GNS: variants seen among roughly 807,000 people sequenced by gnomAD.
GNS encodes the protein glucosamine (N-acetyl)-6-sulfatase, also known as N-acetylglucosamine-6-sulfatase.
Under a neutral mutation model 69.7 loss-of-function variants are expected in GNS, and 40 were observed. The ratio of observed to expected loss-of-function variants is 0.57; its 90% CI spans 0.45 to 0.75. The LOEUF (loss-of-function observed/expected upper bound fraction) is 0.75. Ranked by LOEUF, GNS falls within the 30% of genes least tolerant of loss-of-function variation. The probability of loss-of-function intolerance (pLI) is 0.00; values close to 1 mark genes in which losing one functional copy is unlikely to be tolerated. For synonymous variants in GNS, 243 were observed against 251.6 expected, an observed-to-expected ratio of 0.97 and a Z score of 0.32; for missense variants, 565 against 685.5, an observed-to-expected ratio of 0.82 and a Z score of 1.96.
At chr12:64,723,827 C>A (rs370336006) in intron 10 of GNS, among the ~76,000 whole-genome samples, 1 of 152,172 alleles carries the variant, frequency 6.6e-6, no homozygotes, top group Non-Finnish European at 1.5e-5. Flanking sequence ...AAGCAGTGCA[C>A]AGTGAGGGTG....
At chr12:64,738,354 G>A (rs893811886) in intron 8 of GNS, among the ~76,000 whole-genome samples, 1 of 152,138 alleles carries the variant, frequency 6.6e-6, no homozygotes, top group Non-Finnish European at 1.5e-5. Flanking sequence ...TGCATAATCC[G>A]GTGTTGAATC....
rs994729754 is a variant in GNS, at chr12:64,715,662, G to A, written c.*1079C>T. 2 of 154,366 alleles carry A rather than the reference G, an allele frequency of 1.3e-5. No individual in the cohort carries two copies. The highest frequency in any genetic ancestry group is 4.8e-5 in the African/African-American group (2 of 41,514). The allele number at this position is 154,366 out of a possible 1,614,324, so 9.6% of individuals were successfully genotyped here. On this transcript the variant is annotated 3_prime_UTR_variant, in exon 14 of 14. Coordinates refer to ENST00000258145, the MANE Select transcript of GNS (RefSeq NM_002076.4). The stretch of plus-strand genomic sequence containing the variant: ...CTAAAAGGGGAGAAGGTAGGGTAAA[G>A]TAGTTGATACTTTGCATCAACTGTA...
intron 4 of GNS, 100 bp from the exon 5 acceptor site, chr12:64,745,007 C>T: frequency 1.4e-6 from 1 of 704,380 alleles, no homozygotes; most frequent in Non-Finnish European, 2.6e-6. Flanking sequence ...AGTGATAAGA[C>T]ATTAAAAAGA....
intron 1 of GNS, 56 bp from the exon 2 acceptor site, chr12:64,752,813 C>T (rs1160654928): frequency 1.1e-6 from 1 of 878,388 alleles, no homozygotes; most frequent in Middle Eastern, 2.1e-4. Flanking sequence ...TTGAGACACA[C>T]AGCCCAGAAT....
chr12:64,725,686 G>GT (rs1283841564), intron 10 of GNS, among the ~76,000 whole-genome samples: 3 of 151,774 alleles, frequency 2.0e-5, no homozygotes, highest in Non-Finnish European at 4.4e-5. Flanking sequence ...GAGTGAATCA[G>GT]TTTTTTTTCT....
chr12:64,725,995 C>CAAAAAAAAAAAAAAAAAA (rs34734900), intron 10 of GNS, among the ~76,000 whole-genome samples: 3 of 49,218 alleles, frequency 6.1e-5, no homozygotes, highest in East Asian at 5.7e-4. Flanking sequence ...GACTCTGTCT[C>CAAAAAAAAAAAAAAAAAA]AAAAAAAAAA....
chr12:64,723,516 A>G (rs1368769235), intron 10 of GNS, among the ~76,000 whole-genome samples: 2 of 152,230 alleles, frequency 1.3e-5, no homozygotes, highest in African/African-American at 4.8e-5. Flanking sequence ...AACCTAATAG[A>G]CACAAGGACA....
At chr12:64,734,081 C>G (rs916967796) in intron 9 of GNS, among the ~76,000 whole-genome samples, 5 of 152,200 alleles carry the variant, frequency 3.3e-5, no homozygotes, top group African/African-American at 1.2e-4. Context: ...ATGCTGCCAA[C>G]ACATGATGCA....
intron 2 of GNS, among the ~76,000 whole-genome samples, chr12:64,752,074 T>TA (rs1870097571): frequency 6.8e-6 from 1 of 147,570 alleles, no homozygotes; most frequent in Non-Finnish European, 1.5e-5. Context: ...CTCCCTTTTA[T>TA]AAATGGGGAG....
rs148551734 is a variant in GNS, at chr12:64,736,469, G to C, written c.1098+535C>G. Among the ~76,000 whole-genome samples, 631 of 152,322 alleles carry C rather than the reference G, an allele frequency of 4.1e-3. 4 individuals are homozygous for C. The highest frequency in any genetic ancestry group is 0.011 in the Admixed American group (167 of 15,296). On this transcript the variant is annotated intron_variant, in intron 9 of 13. Transcript: ENST00000258145. ...CCGGGAGCTGATCAGAAATGGAGAAGCAGAATCTGCATTTTAACCAGATCC... is the reference window on the plus strand; with the variant it reads ...CCGGGAGCTGATCAGAAATGGAGAACCAGAATCTGCATTTTAACCAGATCC...
chr12:64,751,982 AG>A, intron 2 of GNS, among the ~76,000 whole-genome samples: 1 of 151,880 alleles, frequency 6.6e-6, no homozygotes, highest in Admixed American at 6.6e-5. Flanking sequence ...AAGAAAGAAA[AG>A]AAAAAATAAG....
intron 5 of GNS, among the ~76,000 whole-genome samples, chr12:64,744,167 T>G (rs902316785): frequency 5.3e-5 from 8 of 152,220 alleles, no homozygotes; most frequent in African/African-American, 7.2e-5. Context: ...CCTAACTTAT[T>G]TCTCGAACTG....
rs569391993 is a variant in GNS at position 64,742,261 on chromosome 12, T to C, written c.792+880A>G. 3.4e-3 allele frequency among the ~76,000 whole-genome samples: 510 copies of C among 152,186 alleles called. 1 individual carries two copies. The highest frequency in any genetic ancestry group is 0.01 in the Middle Eastern group (3 of 294). On this transcript the variant is annotated intron_variant, in intron 6 of 13. Coordinates refer to ENST00000258145, the MANE Select transcript of GNS (RefSeq NM_002076.4). The stretch of plus-strand genomic sequence containing the variant: ...GGTCTCAATCTCCTGACCTCGTGAT[T>C]CGCCCGCCTTGGCCTCCCAAAGTGC...
At position 64,716,795 on chromosome 12, in the gene GNS, C is replaced by T. The variant is rs527899417; in HGVS notation, c.1605G>A (p.Met535Ile). 1 of 1,613,140 alleles carries T rather than the reference C, an allele frequency of 6.2e-7. No homozygotes were observed. Among genetic ancestry groups the T allele is most frequent in the Non-Finnish European group, 8.5e-7 (1 of 1,179,096 alleles). ...DPGYRFDPRL[M>I]FSNRGSVRTR... ...TCCTGACACTGCCGCGATTGCTGAA[C>T]ATGAGACGGGGGTCAAACCTGTATC... The change falls in exon 14 of 14, where the codon ATG becomes ATA. Residue 535 changes from methionine to isoleucine, a missense_variant. Coordinates refer to ENST00000258145, the MANE Select transcript of GNS (RefSeq NM_002076.4).
Position 64,759,352 on chromosome 12 carries a change from G to A in GNS, c.-76C>T, listed in dbSNP as rs928980516. On this transcript the variant is annotated 5_prime_UTR_variant, in exon 1 of 14. Transcript: ENST00000258145. ...ACAGGTAGCTGAAGGGCGAGAGGCC[G>A]ACCAGCCGAAGGAATAAAAAGCCGT... The A allele has an allele frequency of 1.4e-5, 14 of 1,010,202 alleles. No individual in the cohort carries two copies. Among genetic ancestry groups the A allele is most frequent in the Non-Finnish European group, 1.8e-5 (13 of 710,812 alleles). 62.6% of individuals were successfully genotyped at this position (1,010,202 alleles called of 1,614,324 possible).
Position 64,740,641 on chromosome 12 carries a change from A to G in GNS, c.840T>C (p.Ser280=). Residue 280 remains serine (S), a synonymous_variant, in exon 7 of 14, where the codon TCT becomes TCC. Coordinates refer to ENST00000258145, the MANE Select transcript of GNS (RefSeq NM_002076.4). Reference sequence around the variant, plus strand: ...ATGCATTATCTAAAAACTGTATTGAAGAATTAGTCATTGGAGTCTTGGCTT... The same window carrying G: ...ATGCATTATCTAAAAACTGTATTGAGGAATTAGTCATTGGAGTCTTGGCTT... ...IRQAKTPMTN[S]SIQFLDNAFR... The G allele has an allele frequency of 6.3e-7, 1 of 1,586,468 alleles. No individual in the cohort carries two copies. Among genetic ancestry groups the G allele is most frequent in the African/African-American group, 1.3e-5 (1 of 74,434 alleles).
intron 1 of GNS, 131 bp downstream of exon 1, chr12:64,758,954 G>A: frequency 1.3e-6 from 1 of 795,656 alleles, no homozygotes; most frequent in Non-Finnish European, 2.2e-6. Context: ...GGCCTCAGGT[G>A]GGAAAACCAA....
At position 64,743,636 on chromosome 12, in the gene GNS, T is replaced by G. The variant is rs538297204; in HGVS notation, c.625-328A>C. Among the ~76,000 whole-genome samples, 10 of 152,344 alleles carry G rather than the reference T, an allele frequency of 6.6e-5. No homozygotes were observed. In the South Asian group the frequency reaches 2.1e-3, roughly 32 times the overall value. On this transcript the variant is annotated intron_variant, in intron 5 of 13. Coordinates refer to ENST00000258145, the MANE Select transcript of GNS (RefSeq NM_002076.4). Reference sequence around the variant, plus strand: ...TATTAACTTACACTAATGGAGATTATGGTATCTACATGTGATGCCTTAAAG... The same window carrying G: ...TATTAACTTACACTAATGGAGATTAGGGTATCTACATGTGATGCCTTAAAG...
At chr12:64,720,850 T>G (rs1592491485) in intron 12 of GNS, among the ~76,000 whole-genome samples, 1 of 152,182 alleles carries the variant, frequency 6.6e-6, no homozygotes, top group Admixed American at 6.5e-5. Context: ...TGGCTTCAGG[T>G]AGCTGCCCTC....
Sources: allele counts gnomAD v4.1 joint callset (sites outside exome capture counted in the v4.1 genomes callset), GRCh38; gene constraint gnomAD v4.1.1; transcripts MANE v1.5; gene names NCBI Gene and HGNC (gene_info 2026-07-23, HGNC 2026-07-21).